ALDH1A2: variants seen among roughly 807,000 people sequenced by gnomAD.
ALDH1A2 encodes aldehyde dehydrogenase 1 family member A2.
ALDH1A2 carries 27 observed loss-of-function variants against 60.3 expected under a neutral mutation model. The observed-to-expected ratio is 0.45, with a 90% confidence interval of 0.33 to 0.62. ALDH1A2 has a LOEUF of 0.62. Ranked by LOEUF, ALDH1A2 falls within the 20% of genes least tolerant of loss-of-function variation. The pLI is 0.02. For synonymous variants in ALDH1A2, 289 were observed against 232.4 expected (o/e 1.24, Z -2.21); for missense variants, 581 against 643.8 (o/e 0.90, Z 1.06).
chr15:58,036,726 C>G (rs371174704), intron 1 of ALDH1A2: 4 of 151,590 alleles, frequency 2.6e-5, no homozygotes, highest in African/African-American at 7.3e-5. Context: ...GCTTCAATGA[C>G]AAGATTACTC....
At chr15:57,993,520 A>G (rs1325353147) in intron 5 of ALDH1A2, among the ~76,000 whole-genome samples, 2 of 152,208 alleles carry the variant, frequency 1.3e-5, no homozygotes, top group Admixed American at 1.3e-4. Flanking sequence ...TAGTTAAGTC[A>G]ATGTGTATTT....
intron 1 of ALDH1A2, among the ~76,000 whole-genome samples, chr15:58,056,016 T>C (rs1456911114): frequency 6.6e-6 from 1 of 152,144 alleles, no homozygotes; most frequent in Admixed American, 6.5e-5. Context: ...AAAATGAGTG[T>C]TGTATGTGTG....
intron 4 of ALDH1A2, among the ~76,000 whole-genome samples, chr15:58,004,084 G>C (rs1212860382): frequency 6.6e-6 from 1 of 151,874 alleles, no homozygotes; most frequent in Non-Finnish European, 1.5e-5. Context: ...TTCAGAGAGA[G>C]AAGCAGCCAC....
At chr15:58,020,012 T>C (rs773741121) in intron 1 of ALDH1A2, among the ~76,000 whole-genome samples, 70 of 151,328 alleles carry the variant, frequency 4.6e-4, no homozygotes, top group Non-Finnish European at 8.2e-4. Flanking sequence ...CAGCATGTGT[T>C]ATTCCCTTCC....
rs1201182915 is a variant in ALDH1A2, at chr15:58,014,201, C to T, written c.198G>A (p.Val66=). 1 of 1,614,104 alleles carries T rather than the reference C, an allele frequency of 6.2e-7. No individual in the cohort carries two copies. Among genetic ancestry groups the T allele is most frequent in the Non-Finnish European group, 8.5e-7 (1 of 1,179,984 alleles). ...CCTTGTCTGCTTCTTGAACTTCACACACCTGTTCTCCTGTGGCTGGATTAT... is the reference window on the plus strand; with the variant it reads ...CCTTGTCTGCTTCTTGAACTTCACATACCTGTTCTCCTGTGGCTGGATTAT... ...PVYNPATGEQ[V]CEVQEADKAD... The change falls in exon 2 of 13, where the codon GTG becomes GTA. Residue 66 remains valine, a synonymous_variant. Coordinates refer to ENST00000249750, the MANE Select transcript of ALDH1A2 (RefSeq NM_003888.4).
At chr15:58,056,746 G>A (rs1486565680) in intron 1 of ALDH1A2, among the ~76,000 whole-genome samples, 1 of 152,060 alleles carries the variant, frequency 6.6e-6, no homozygotes, top group Non-Finnish European at 1.5e-5. Context: ...TGATAAATTA[G>A]CCAAAGGAGG....
chr15:58,033,478 A>C (rs1896297356), intron 1 of ALDH1A2, among the ~76,000 whole-genome samples: 1 of 151,834 alleles, frequency 6.6e-6, no homozygotes, highest in South Asian at 2.1e-4. Context: ...TTTATCATGC[A>C]TATTTAACAA....
rs1893737746 is a variant in ALDH1A2 at position 57,962,001 on chromosome 15, A to G, written c.1251+11T>C. 1 of 1,614,204 alleles carries G rather than the reference A, an allele frequency of 6.2e-7. No individual in the cohort carries two copies. The highest frequency in any genetic ancestry group is 8.5e-7 in the Non-Finnish European group (1 of 1,179,994). On this transcript the variant is annotated intron_variant, in intron 10 of 12. Transcript: ENST00000249750. ...AAGATGTGGCTTTTGTAAGAACAGC[A>G]TATTTGATACCTCCTCCTTGGCAAT... is the stretch of plus-strand genomic sequence containing the variant.
In ALDH1A2 at chr15:58,032,939, G is replaced by A. The variant is rs533247874; in HGVS notation, c.118-18658C>T. 2.0e-5 allele frequency among the ~76,000 whole-genome samples: 3 copies of A among 152,078 alleles called. 1 individual carries two copies. The highest frequency in any genetic ancestry group is 2.1e-4 in the South Asian group (1 of 4,818). Reference sequence around the variant, plus strand: ...AGCCAGGCATAAGAAGACAAATATTGCATGTTCTCATATGTGGGATCTAAA... The same window carrying A: ...AGCCAGGCATAAGAAGACAAATATTACATGTTCTCATATGTGGGATCTAAA... On this transcript the variant is annotated intron_variant, in intron 1 of 12. Transcript: ENST00000249750.
At chr15:57,986,571 C>CAAAAAAAAAAAAA (rs71116542) in intron 7 of ALDH1A2, among the ~76,000 whole-genome samples, 1 of 82,066 alleles carries the variant, frequency 1.2e-5, no homozygotes, top group Non-Finnish European at 2.2e-5. Flanking sequence ...ACAGAAAAGC[C>CAAAAAAAAAAAAA]AAAAAAAAAA....
intron 1 of ALDH1A2, among the ~76,000 whole-genome samples, chr15:58,026,659 T>G (rs1896088099): frequency 6.6e-6 from 1 of 152,184 alleles, no homozygotes; most frequent in East Asian, 1.9e-4. Context: ...CAGTACACTC[T>G]TGCCCAAATA....
At chr15:58,019,200 T>A (rs2140524562) in intron 1 of ALDH1A2, among the ~76,000 whole-genome samples, 2 of 152,268 alleles carry the variant, frequency 1.3e-5, no homozygotes, top group Middle Eastern at 6.8e-3. Context: ...GTGCCTACCT[T>A]TCATATTTTA....
At chr15:58,026,735 G>A (rs1300822920) in intron 1 of ALDH1A2, among the ~76,000 whole-genome samples, 11 of 152,310 alleles carry the variant, frequency 7.2e-5, no homozygotes, top group East Asian at 3.9e-4. Context: ...CAGGTTCGGC[G>A]GGTCCCATGC....
At chr15:57,973,403 CTGTT>C (rs1894135417) in intron 7 of ALDH1A2, among the ~76,000 whole-genome samples, 3 of 152,154 alleles carry the variant, frequency 2.0e-5, no homozygotes, top group Admixed American at 1.3e-4. Context: ...TTCTTGTTAA[CTGTT>C]CCAGACACTT....
intron 12 of ALDH1A2, among the ~76,000 whole-genome samples, chr15:57,958,565 C>G (rs529108152): frequency 6.6e-6 from 1 of 152,252 alleles, no homozygotes; most frequent in African/African-American, 2.4e-5. Flanking sequence ...CCAGATGTTT[C>G]TGGAAGTGCC....
At chr15:57,960,964 G>C in intron 11 of ALDH1A2, 120 bp from the exon 12 acceptor site, 3 of 1,336,908 alleles carry the variant, frequency 2.2e-6, no homozygotes, top group Non-Finnish European at 3.1e-6. Flanking sequence ...GGAAAAAATT[G>C]TAATTTAAAA....
chr15:58,011,704 T>A (rs1265631130), intron 3 of ALDH1A2, among the ~76,000 whole-genome samples: 1 of 152,236 alleles, frequency 6.6e-6, no homozygotes, highest in Admixed American at 6.5e-5. Context: ...GTGTAATTTA[T>A]CTACTTAGTA....
chr15:58,033,200 A>C (rs761442930), intron 1 of ALDH1A2, among the ~76,000 whole-genome samples: 5 of 152,048 alleles, frequency 3.3e-5, no homozygotes, highest in Admixed American at 2.0e-4. Context: ...TTCATGTAAC[A>C]CAACATCTCA....
intron 1 of ALDH1A2, among the ~76,000 whole-genome samples, chr15:58,041,953 C>A (rs377469528): frequency 1.4e-4 from 22 of 151,960 alleles, no homozygotes; most frequent in African/African-American, 4.6e-4. Context: ...AACGTGATGT[C>A]TCTCAAAATA....
Sources: allele counts gnomAD v4.1 joint callset (sites outside exome capture counted in the v4.1 genomes callset), GRCh38; gene constraint gnomAD v4.1.1; transcripts MANE v1.5; gene names NCBI Gene and HGNC (gene_info 2026-07-23, HGNC 2026-07-21).